Variants in SLC25A41 observed in about 807,000 individuals in gnomAD.
The protein encoded by SLC25A41 is solute carrier family 25 member 41, also known as mitochondrial carrier protein SCaMC-3L.
SLC25A41 carries 35 observed loss-of-function variants against 34.7 expected under a neutral mutation model. That is an observed-to-expected ratio of 1.01 (90% CI 0.77 to 1.34). The LOEUF is 1.34. Among genes scored for constraint, SLC25A41 ranks in the 40% most tolerant of loss-of-function variants. The pLI, the probability that SLC25A41 is intolerant of heterozygous loss-of-function variation, is 0.00. For missense variants in SLC25A41, 492 were observed against 489.8 expected, an observed-to-expected ratio of 1.00 and a Z score of -0.04; for synonymous variants, 190 against 209.9, an observed-to-expected ratio of 0.91 and a Z score of 0.82.
intron 4 of SLC25A41, among the ~76,000 whole-genome samples, chr19:6,429,394 A>T (rs372222223): frequency 0.11 from 47 of 446 alleles, 4 homozygotes; most frequent in African/African-American, 0.16. Flanking sequence ...AGAGGGGAGG[A>T]GAAGGGAGAA....
rs1175120963 is a variant in SLC25A41, at chr19:6,426,278, C to CA, written c.*110dup. ...CCCACCCCCAGCCTGCTTTTGCCAC[C>CA]AAAAACTGCCCCAGGGCCTGAACCT... On this transcript the variant is annotated 3_prime_UTR_variant, in exon 7 of 7. Coordinates refer to ENST00000321510, the MANE Select transcript of SLC25A41 (RefSeq NM_173637.4). The CA allele has an allele frequency of 2.2e-6, 2 of 919,218 alleles. No individual in the cohort carries two copies. The highest frequency in any genetic ancestry group is 3.0e-6 in the Non-Finnish European group (2 of 674,514). The allele number at this position is 919,218 out of a possible 1,614,324, so 56.9% of individuals were successfully genotyped here. A position where few individuals can be genotyped will look rare whatever the true frequency, so the allele number is the denominator to read the frequency against.
intron 4 of SLC25A41, among the ~76,000 whole-genome samples, chr19:6,429,074 A>AT (rs1491555943): frequency 3.5e-5 from 2 of 57,226 alleles, no homozygotes; most frequent in African/African-American, 1.1e-4. Context: ...ATATATATAT[A>AT]ATATATATAT....
Position 6,429,039 on chromosome 19 carries a change from A to ATAAT in SLC25A41, c.624+684_624+685insATTA, listed in dbSNP as rs1427334348. 2.2e-4 allele frequency among the ~76,000 whole-genome samples: 6 copies of ATAAT among 26,996 alleles called. 2 individuals carry two copies. The highest frequency in any genetic ancestry group is 1.5e-3 in the African/African-American group (6 of 3,884). 17.7% of individuals were successfully genotyped at this position (26,996 alleles called of 152,430 possible). ...CCTGAAAATTTATATATATATATAT[A>ATAAT]ATATATATATTATATATATGTTATA... On this transcript the variant is annotated intron_variant, in intron 4 of 6. Coordinates refer to ENST00000321510, the MANE Select transcript of SLC25A41 (RefSeq NM_173637.4).
chr19:6,431,008 G>A (rs2145146310), intron 2 of SLC25A41, among the ~76,000 whole-genome samples: 1 of 151,780 alleles, frequency 6.6e-6, no homozygotes, highest in Non-Finnish European at 1.5e-5. Context: ...TATAGATGGG[G>A]TCTTACTATG....
At chr19:6,426,943 T>A (rs970008222) in intron 6 of SLC25A41, among the ~76,000 whole-genome samples, 160 bp downstream of exon 6, 18 of 152,210 alleles carry the variant, frequency 1.2e-4, no homozygotes, top group Admixed American at 2.6e-4. Flanking sequence ...TGGCTAATTT[T>A]TATATATATA....
rs1555730062 is a variant in SLC25A41, at chr19:6,429,049, T to TTA, written c.624+673_624+674dup. Among the ~76,000 whole-genome samples, 3 of 37,376 alleles carry TTA rather than the reference T, an allele frequency of 8.0e-5. 1 individual carries two copies. The highest frequency in any genetic ancestry group is 1.3e-4 in the Non-Finnish European group (3 of 23,740). 24.5% of individuals were successfully genotyped at this position (37,376 alleles called of 152,430 possible). A position where few individuals can be genotyped will look rare whatever the true frequency, so the allele number is the denominator to read the frequency against. On this transcript the variant is annotated intron_variant, in intron 4 of 6. Coordinates refer to ENST00000321510, the MANE Select transcript of SLC25A41 (RefSeq NM_173637.4). ...TATATATATATATATAATATATATA[T>TTA]TATATATATGTTATATATATATATA...
rs1417708020 is a variant in SLC25A41, at chr19:6,427,727, C to T, written c.625-226G>A. 6.6e-6 allele frequency among the ~76,000 whole-genome samples: 1 copy of T among 152,224 alleles called. No homozygotes were observed. The highest frequency in any genetic ancestry group is 6.5e-5 in the Admixed American group (1 of 15,274). On this transcript the variant is annotated intron_variant, in intron 4 of 6. Coordinates refer to ENST00000321510, the MANE Select transcript of SLC25A41 (RefSeq NM_173637.4). This position sits in a 1 kb window ranked among gnomAD's most constrained non-coding sequence, Gnocchi z 4.9. ...GAGAGTGAGGGAAGAAGGCTCACGT[C>T]TGTCTTCCCAGCCCTTTGGGAGGCT...
Position 6,426,271 on chromosome 19 carries a change from T to G in SLC25A41, c.*118A>C. ...CCCCACCCCCACCCCCAGCCTGCTT[T>G]TGCCACCAAAAACTGCCCCAGGGCC... On this transcript the variant is annotated 3_prime_UTR_variant, in exon 7 of 7. Transcript: ENST00000321510. 1 of 546,544 alleles carries G rather than the reference T, an allele frequency of 1.8e-6. No individual in the cohort carries two copies. The highest frequency in any genetic ancestry group is 2.6e-6 in the Non-Finnish European group (1 of 380,518). 33.9% of individuals were successfully genotyped at this position (546,544 alleles called of 1,614,324 possible).
At chr19:6,434,662 A>G (rs2092300456), upstream of SLC25A41, among the ~76,000 whole-genome samples, 1 of 152,168 alleles carries the variant, frequency 6.6e-6, no homozygotes, top group South Asian at 2.1e-4. Flanking sequence ...TAATCCCAGC[A>G]CTTTGGGAGG....
At position 6,427,328 on chromosome 19, in the gene SLC25A41, C is replaced by T; in HGVS notation, c.792+6G>A. On this transcript the variant is annotated splice_donor_region_variant and intron_variant, in intron 5 of 6. Coordinates refer to ENST00000321510, the MANE Select transcript of SLC25A41 (RefSeq NM_173637.4). The surrounding 1 kb of genome is among the most constrained non-coding windows in gnomAD (Gnocchi z 4.9). ...AGCCCTGCCACCCCCTCTGCAGGAC[C>T]CATACCTCATAGACAGCCAGGTCGG... 6.2e-7 allele frequency: 1 copy of T among 1,606,196 alleles called. No individual in the cohort carries two copies. Among genetic ancestry groups the T allele is most frequent in the Non-Finnish European group, 8.5e-7 (1 of 1,175,290 alleles).
chr19:6,433,848 G>T, upstream of SLC25A41: 1 of 522,650 alleles, frequency 1.9e-6, no homozygotes, highest in Non-Finnish European at 3.3e-6. Flanking sequence ...GGTGGGCAGC[G>T]TGATGGCCCC....
Position 6,433,467 on chromosome 19 carries a change from C to T in SLC25A41, c.207+20G>A. The stretch of plus-strand genomic sequence containing the variant: ...AGTCCTGACCAGAGGTGCCGGGACA[C>T]TGGTGTTTCCTAAACTCACCTGCTG... On this transcript the variant is annotated intron_variant, in intron 1 of 6. Coordinates refer to ENST00000321510, the MANE Select transcript of SLC25A41 (RefSeq NM_173637.4). 1.2e-6 allele frequency: 2 copies of T among 1,611,218 alleles called. No individual in the cohort carries two copies. The highest frequency in any genetic ancestry group is 1.1e-5 in the South Asian group (1 of 91,000).
chr19:6,429,763 C>G lies in SLC25A41; in HGVS notation c.585G>C (p.Leu195=). ...PFQERLLAGS[L]AVAISQTLIN... is the part of the protein sequence containing the mutation. ...TGAGGGTCTGGGAGATGGCCACAGC[C>G]AGGGAGCCAGCAAGGAGACGCTCCT... Residue 195 remains leucine, a synonymous_variant, in exon 4 of 7, where the codon CTG becomes CTC. Transcript: ENST00000321510. 6.2e-7 allele frequency: 1 copy of G among 1,609,294 alleles called. No individual in the cohort carries two copies. The highest frequency in any genetic ancestry group is 8.5e-7 in the Non-Finnish European group (1 of 1,178,194).
chr19:6,426,294 G>T lies in SLC25A41; in HGVS notation c.*95C>A. On this transcript the variant is annotated 3_prime_UTR_variant, in exon 7 of 7. Coordinates refer to ENST00000321510, the MANE Select transcript of SLC25A41 (RefSeq NM_173637.4). ...TTTTGCCACCAAAAACTGCCCCAGG[G>T]CCTGAACCTTGAGGCCTCGAGGGCT... 1.0e-6 allele frequency: 1 copy of T among 1,001,702 alleles called. No homozygotes were observed. Among genetic ancestry groups the T allele is most frequent in the Non-Finnish European group, 1.4e-6 (1 of 733,934 alleles). The allele number at this position is 1,001,702 out of a possible 1,614,324, so 62.1% of individuals were successfully genotyped here. A position where few individuals can be genotyped will look rare whatever the true frequency, so the allele number is the denominator to read the frequency against.
chr19:6,431,593 C>G (rs2092285782), intron 2 of SLC25A41, among the ~76,000 whole-genome samples: 1 of 152,062 alleles, frequency 6.6e-6, no homozygotes, highest in South Asian at 2.1e-4. Flanking sequence ...GCACGCACCA[C>G]CATGCCCGAC....
rs1202902259 is a variant in SLC25A41, at chr19:6,427,014, C to T, written c.940+89G>A. 14 of 1,435,176 alleles carry T rather than the reference C, an allele frequency of 9.8e-6. No individual in the cohort carries two copies. The highest frequency in any genetic ancestry group is 4.2e-5 in the Admixed American group (2 of 48,096). 88.9% of individuals were successfully genotyped at this position (1,435,176 alleles called of 1,614,324 possible). ...GGCTGGGATCAGACACGGAGGGTGC[C>T]GGACTCAGTTTTGGGGTATGAGAAA... On this transcript the variant is annotated intron_variant, in intron 6 of 6. Transcript: ENST00000321510. The surrounding 1 kb of genome is among the most constrained non-coding windows in gnomAD (Gnocchi z 4.9).
chr19:6,432,473 ATTTTTTTTTT>A (rs34519561), intron 1 of SLC25A41, among the ~76,000 whole-genome samples: 37 of 80,990 alleles, frequency 4.6e-4, no homozygotes, highest in African/African-American at 1.5e-3. Context: ...ACAACACCTA[ATTTTTTTTTT>A]TTTTTTTTTT....
rs1491568414 is a variant in SLC25A41 at position 6,429,144 on chromosome 19, A to ATGTTAT, written c.624+579_624+580insATAACA. Among the ~76,000 whole-genome samples the ATGTTAT allele has an allele frequency of 6.5e-4, 20 of 30,698 alleles. 3 individuals are homozygous for ATGTTAT. Among genetic ancestry groups the ATGTTAT allele is most frequent in the African/African-American group, 2.2e-3 (12 of 5,490 alleles). The allele number at this position is 30,698 out of a possible 152,430, so 20.1% of individuals were successfully genotyped here. On this transcript the variant is annotated intron_variant, in intron 4 of 6. Coordinates refer to ENST00000321510, the MANE Select transcript of SLC25A41 (RefSeq NM_173637.4). ...TTATATATATGTTATATATATATATAATATATATATTATATATATAATATA... is the reference window on the plus strand; with the variant it reads ...TTATATATATGTTATATATATATATATGTTATATATATATATTATATATATAATATA...
In SLC25A41 at chr19:6,427,098, C is replaced by T; in HGVS notation, c.940+5G>A. ...ATGCGTGGTGGCCGCTGGGGACAGG[C>T]TGACCTTGGGCCTGCATCCTGGTGC... On this transcript the variant is annotated splice_donor_5th_base_variant and intron_variant, in intron 6 of 6. Transcript: ENST00000321510. This position sits in a 1 kb window ranked among gnomAD's most constrained non-coding sequence, Gnocchi z 4.9. The T allele has an allele frequency of 6.3e-7, 1 of 1,595,430 alleles. No homozygotes were observed. The highest frequency in any genetic ancestry group is 8.5e-7 in the Non-Finnish European group (1 of 1,171,994).
Sources: allele counts gnomAD v4.1 joint callset (sites outside exome capture counted in the v4.1 genomes callset), GRCh38; gene constraint gnomAD v4.1.1; non-coding constraint Gnocchi (gnomAD v3.1); transcripts MANE v1.5; gene names NCBI Gene and HGNC (gene_info 2026-07-23, HGNC 2026-07-21).